The following VTI1A variants were observed in gnomAD, a reference collection of about 807,000 sequenced individuals.
The protein encoded by VTI1A is vesicle transport through interaction with t-SNAREs 1A.
Under a neutral mutation model 34.9 loss-of-function variants are expected in VTI1A, and 22 were observed. The observed-to-expected ratio is 0.63, with a 90% CI of 0.45 to 0.90. VTI1A has a LOEUF of 0.90. VTI1A is among the 40% of genes least tolerant of loss of function. VTI1A has a pLI of 0.00. For synonymous variants in VTI1A, 87 were observed against 97.3 expected (o/e 0.89, Z 0.62); for missense variants, 268 against 275.6 (o/e 0.97, Z 0.20).
At chr10:112,814,972 T>C (rs1853459074) in intron 7 of VTI1A, among the ~76,000 whole-genome samples, 1 of 151,942 alleles carries the variant, frequency 6.6e-6, no homozygotes, top group Non-Finnish European at 1.5e-5. Flanking sequence ...GGGCCCTTGA[T>C]CACTTAAAGA....
chr10:112,740,997 A>G (rs183611883), intron 7 of VTI1A, among the ~76,000 whole-genome samples: 7 of 152,366 alleles, frequency 4.6e-5, no homozygotes, highest in Non-Finnish European at 1.0e-4. Context: ...ATGAAGTACT[A>G]ATCCAACATG....
At chr10:112,615,033 T>C (rs1439465743) in intron 5 of VTI1A, among the ~76,000 whole-genome samples, 1 of 152,072 alleles carries the variant, frequency 6.6e-6, no homozygotes, top group East Asian at 1.9e-4. Flanking sequence ...TTCCCAAATA[T>C]GTGGCAAATG....
intron 1 of VTI1A, among the ~76,000 whole-genome samples, chr10:112,458,803 A>G (rs1331871423): frequency 6.6e-6 from 1 of 151,696 alleles, no homozygotes; most frequent in Non-Finnish European, 1.5e-5. Context: ...AGTAGTTGGG[A>G]TTACAGGCGC....
chr10:112,567,323 C>T (rs570519053), intron 5 of VTI1A, among the ~76,000 whole-genome samples: 50 of 152,150 alleles, frequency 3.3e-4, no homozygotes, highest in African/African-American at 1.2e-3. Flanking sequence ...ACCACTGCGC[C>T]GGCCATAATT....
intron 7 of VTI1A, among the ~76,000 whole-genome samples, chr10:112,670,832 C>A (rs1235290952): frequency 6.6e-6 from 1 of 152,118 alleles, no homozygotes; most frequent in East Asian, 1.9e-4. Flanking sequence ...ATAAAAATTC[C>A]CAGATGGACA....
intron 6 of VTI1A, 129 bp from the exon 7 acceptor site, chr10:112,668,808 A>G: frequency 2.1e-6 from 2 of 969,594 alleles, no homozygotes; most frequent in South Asian, 3.2e-5. Flanking sequence ...GTCAGAATGT[A>G]TTTATTTTTG....
intron 7 of VTI1A, chr10:112,736,625 C>A (rs1850484106): frequency 1.3e-6 from 2 of 1,517,868 alleles, no homozygotes; most frequent in African/African-American, 1.4e-5. Flanking sequence ...GCCTGCTGTT[C>A]TAAATGCCAA....
chr10:112,779,957 T>C (rs905418317), intron 7 of VTI1A, among the ~76,000 whole-genome samples: 1 of 152,104 alleles, frequency 6.6e-6, no homozygotes, highest in African/African-American at 2.4e-5. Context: ...AAGCTATTTG[T>C]TACTTACTCA....
chr10:112,661,556 T>A (rs1022588376), intron 5 of VTI1A, among the ~76,000 whole-genome samples: 1 of 152,182 alleles, frequency 6.6e-6, no homozygotes, highest in South Asian at 2.1e-4. Context: ...TGCTGGGTAA[T>A]ATTTTTTGGT....
chr10:112,589,040 T>A (rs893982808), intron 5 of VTI1A, among the ~76,000 whole-genome samples: 24 of 120,860 alleles, frequency 2.0e-4, no homozygotes, highest in Admixed American at 9.0e-4. Flanking sequence ...TTTTTTTTTT[T>A]AACTTACAGT....
At chr10:112,837,387 C>T in the VTI1A span, among the ~76,000 whole-genome samples, 1 of 152,098 alleles carries the variant, frequency 6.6e-6, no homozygotes, top group Non-Finnish European at 1.5e-5. Context: ...TTAAGGATGT[C>T]ACAGTGACCC....
chr10:112,829,668 C>T, the VTI1A span, among the ~76,000 whole-genome samples: 2 of 149,228 alleles, frequency 1.3e-5, no homozygotes, highest in Non-Finnish European at 3.0e-5. Context: ...GCAGGAGAAC[C>T]GCTTGAACCC....
At chr10:112,564,593 T>G (rs1851843602) in intron 5 of VTI1A, among the ~76,000 whole-genome samples, 1 of 152,126 alleles carries the variant, frequency 6.6e-6, no homozygotes. Context: ...ATTTACAGGG[T>G]TACCCCCCTT....
chr10:112,803,566 A>C (rs2134076087), intron 7 of VTI1A, among the ~76,000 whole-genome samples: 2 of 152,326 alleles, frequency 1.3e-5, no homozygotes, highest in East Asian at 3.9e-4. Flanking sequence ...CCCTGGGCAT[A>C]TCTCTTCCCC....
chr10:112,666,893 C>A (rs755570190), intron 5 of VTI1A, among the ~76,000 whole-genome samples: 9 of 152,078 alleles, frequency 5.9e-5, no homozygotes, highest in Non-Finnish European at 1.2e-4. Context: ...TGAACTCTTA[C>A]AACAATCTCA....
chr10:112,675,744 A>G (rs1187171295), intron 7 of VTI1A, among the ~76,000 whole-genome samples: 1 of 152,212 alleles, frequency 6.6e-6, no homozygotes, highest in Non-Finnish European at 1.5e-5. Flanking sequence ...TGGAGCAAAC[A>G]GTTCCAGTCT....
In VTI1A at chr10:112,447,952, C is replaced by G. The variant is rs1015330499; in HGVS notation, c.94+485C>G. ...CCTCTGTCACTTAGAAGTTGTGCCT[C>G]TTAACCCGGGAGGCGGAGGTTGCAG... On this transcript the variant is annotated intron_variant, in intron 1 of 7. Transcript: ENST00000393077. Among the ~76,000 whole-genome samples the G allele has an allele frequency of 3.3e-5, 5 of 152,238 alleles. No individual in the cohort carries two copies. In the East Asian group the frequency reaches 5.8e-4, roughly 18 times the overall value.
the VTI1A span, among the ~76,000 whole-genome samples, chr10:112,848,539 A>G: frequency 6.6e-6 from 1 of 152,182 alleles, no homozygotes; most frequent in Non-Finnish European, 1.5e-5. Flanking sequence ...AACAGAAGTG[A>G]TCATATTTAA....
intron 1 of VTI1A, 77 bp downstream of exon 1, chr10:112,447,544 A>C: frequency 6.6e-7 from 1 of 1,519,718 alleles, no homozygotes; most frequent in Non-Finnish European, 9.0e-7. Context: ...CGCCCGAGTA[A>C]GTGTGTCTAT....
Sources: gnomAD v4.1 joint callset for allele counts (sites outside exome capture counted in the v4.1 genomes callset) on GRCh38, gnomAD v4.1.1 for gene constraint, MANE v1.5 for transcripts, NCBI Gene and HGNC (gene_info 2026-07-23, HGNC 2026-07-21) for gene names.